The following FIGN variants were observed in gnomAD, a reference collection of about 807,000 sequenced individuals.
FIGN encodes fidgetin.
A neutral mutation model predicts 51.3 loss-of-function variants in FIGN; 11 were observed. The observed-to-expected ratio is 0.21, with a 90% CI of 0.13 to 0.35. The LOEUF (loss-of-function observed/expected upper bound fraction) is 0.35. Ranked by LOEUF, FIGN falls within the 10% of genes least tolerant of loss-of-function variation. The pLI, the probability that FIGN is intolerant of heterozygous loss-of-function variation, is 1.00. For missense variants in FIGN, 857 were observed against 943.6 expected, an observed-to-expected ratio of 0.91 and a Z score of 1.20; for synonymous variants, 407 against 363.2, an observed-to-expected ratio of 1.12 and a Z score of -1.37.
At chr2:163,635,292 G>C (rs983931134) in intron 2 of FIGN, among the ~76,000 whole-genome samples, 2 of 152,192 alleles carry the variant, frequency 1.3e-5, no homozygotes, top group Admixed American at 6.5e-5. Context: ...TATGGGCTGG[G>C]TGTAGTGGTT....
At chr2:163,617,028 T>C (rs1682889905) in intron 2 of FIGN, 1 of 832,892 alleles carries the variant, frequency 1.2e-6, no homozygotes, top group African/African-American at 1.8e-5. Flanking sequence ...CCAAATGAAA[T>C]GTTTGAGGAG....
chr2:163,676,483 A>ATATATATATATATAT (rs1553499928), intron 2 of FIGN, among the ~76,000 whole-genome samples: 3 of 48,460 alleles, frequency 6.2e-5, no homozygotes, highest in Non-Finnish European at 1.7e-4. Flanking sequence ...ATATATATAT[A>ATATATATATATATAT]ACTAGAGTCT....
At chr2:163,729,959 C>T (rs1002434461) in intron 2 of FIGN, among the ~76,000 whole-genome samples, 24 of 152,146 alleles carry the variant, frequency 1.6e-4, no homozygotes, top group Non-Finnish European at 2.9e-5. Context: ...ACAGAAAGTG[C>T]CATATGATAT....
At position 163,604,723 on chromosome 2, in the gene FIGN, C is replaced by T. The variant is rs1275552263; in HGVS notation, c.*4829G>A. 4 of 151,498 alleles carry T rather than the reference C, an allele frequency of 2.6e-5. No individual in the cohort carries two copies. The highest frequency in any genetic ancestry group is 9.7e-5 in the African/African-American group (4 of 41,236). 9.4% of individuals were successfully genotyped at this position (151,498 alleles called of 1,614,324 possible). A position where few individuals can be genotyped will look rare whatever the true frequency, so the allele number is the denominator to read the frequency against. On this transcript the variant is annotated 3_prime_UTR_variant, in exon 3 of 3. Coordinates refer to ENST00000333129, the MANE Select transcript of FIGN (RefSeq NM_018086.4). ...AAAAGAAAAAAAAGAAATGAATATTCTCTAGCAAGTGTATATAATCCACAG... is the reference window on the plus strand; with the variant it reads ...AAAAGAAAAAAAAGAAATGAATATTTTCTAGCAAGTGTATATAATCCACAG...
chr2:163,694,908 C>A (rs566125979), intron 2 of FIGN, among the ~76,000 whole-genome samples: 1 of 152,240 alleles, frequency 6.6e-6, no homozygotes, highest in Non-Finnish European at 1.5e-5. Flanking sequence ...CTGCCTCGGC[C>A]ACCTGAGTAG....
intron 2 of FIGN, among the ~76,000 whole-genome samples, chr2:163,614,434 C>T (rs1682834079): frequency 1.3e-5 from 2 of 152,094 alleles, no homozygotes; most frequent in Non-Finnish European, 2.9e-5. Flanking sequence ...ATTAATGTGA[C>T]TGTAATGTAG....
intron 2 of FIGN, among the ~76,000 whole-genome samples, chr2:163,636,315 C>T (rs1338422011): frequency 6.6e-6 from 1 of 152,104 alleles, no homozygotes; most frequent in East Asian, 1.9e-4. Flanking sequence ...GACGGAGTTT[C>T]GCTCTTGTTG....
intron 2 of FIGN, among the ~76,000 whole-genome samples, chr2:163,640,484 T>A (rs564877369): frequency 1.0e-3 from 155 of 152,298 alleles, no homozygotes; most frequent in African/African-American, 3.6e-3. Context: ...ATTTTTTTAT[T>A]TATACATTTC....
intron 2 of FIGN, among the ~76,000 whole-genome samples, chr2:163,695,020 T>G (rs143944794): frequency 2.3e-3 from 349 of 152,080 alleles, no homozygotes; most frequent in African/African-American, 8.2e-3. Context: ...TCCGCCCCCC[T>G]CCTTTGAGAT....
intron 2 of FIGN, among the ~76,000 whole-genome samples, chr2:163,719,524 T>TTTTACTA (rs1296721374): frequency 6.6e-6 from 1 of 152,232 alleles, no homozygotes; most frequent in Non-Finnish European, 1.5e-5. Flanking sequence ...CTCTAGTGCT[T>TTTTACTA]GTTGCTATTT....
At chr2:163,614,981 T>G (rs1170599247) in intron 2 of FIGN, among the ~76,000 whole-genome samples, 2 of 152,136 alleles carry the variant, frequency 1.3e-5, no homozygotes, top group African/African-American at 4.8e-5. Context: ...GTCCATTTCA[T>G]AGGGTATTTT....
chr2:163,646,771 G>A (rs1387381599), intron 2 of FIGN, among the ~76,000 whole-genome samples: 1 of 152,202 alleles, frequency 6.6e-6, no homozygotes, highest in Admixed American at 6.5e-5. Context: ...ACATTAATTT[G>A]ATTGAAGGTG....
chr2:163,698,844 T>G (rs1164095149), intron 2 of FIGN, among the ~76,000 whole-genome samples: 1 of 152,186 alleles, frequency 6.6e-6, no homozygotes, highest in Non-Finnish European at 1.5e-5. Context: ...TTTCAGATGT[T>G]TTAAGTTCCC....
intron 2 of FIGN, among the ~76,000 whole-genome samples, chr2:163,730,248 AATG>A (rs1259503113): frequency 6.6e-6 from 1 of 152,242 alleles, no homozygotes; most frequent in African/African-American, 2.4e-5. Flanking sequence ...TTGCCATTTA[AATG>A]ATAACATCAA....
At chr2:163,705,282 C>T (rs1317850730) in intron 2 of FIGN, among the ~76,000 whole-genome samples, 2 of 152,156 alleles carry the variant, frequency 1.3e-5, no homozygotes, top group Admixed American at 6.5e-5. Flanking sequence ...CAACACTCTT[C>T]GTTGCACAGC....
At chr2:163,642,032 C>T (rs1195477643) in intron 2 of FIGN, among the ~76,000 whole-genome samples, 2 of 152,236 alleles carry the variant, frequency 1.3e-5, no homozygotes, top group African/African-American at 4.8e-5. Context: ...TGATCATACA[C>T]CAGCCTAACC....
At chr2:163,696,856 A>G (rs1333557221) in intron 2 of FIGN, among the ~76,000 whole-genome samples, 2 of 147,318 alleles carry the variant, frequency 1.4e-5, no homozygotes, top group African/African-American at 5.1e-5. Flanking sequence ...TTTTTTTAAG[A>G]GACAAGGTCT....
At chr2:163,709,740 CAT>C (rs2105355853) in intron 2 of FIGN, among the ~76,000 whole-genome samples, 1 of 152,150 alleles carries the variant, frequency 6.6e-6, no homozygotes, top group Non-Finnish European at 1.5e-5. Flanking sequence ...ACATAAAACA[CAT>C]ACTTCGGGAA....
Position 163,670,502 on chromosome 2 carries a change from A to T in FIGN, c.26-58696T>A, listed in dbSNP as rs527724685. On this transcript the variant is annotated intron_variant, in intron 2 of 2. Coordinates refer to ENST00000333129, the MANE Select transcript of FIGN (RefSeq NM_018086.4). ...TCTATGTTTATTTAAACAGCCTCAC[A>T]TTCAAATTCTAATTATTCTACATGT... 8.5e-4 allele frequency among the ~76,000 whole-genome samples: 130 copies of T among 152,322 alleles called. 1 individual carries two copies. Among genetic ancestry groups the T allele is most frequent in the African/African-American group, 2.9e-3 (120 of 41,576 alleles).
Sources: gnomAD v4.1 joint callset for allele counts (sites outside exome capture counted in the v4.1 genomes callset) on GRCh38, gnomAD v4.1.1 for gene constraint, MANE v1.5 for transcripts, NCBI Gene and HGNC (gene_info 2026-07-23, HGNC 2026-07-21) for gene names.